SHTN1: variants seen among roughly 807,000 people sequenced by gnomAD.
SHTN1 encodes the protein shootin-1.
Under a neutral mutation model 83.1 loss-of-function variants are expected in SHTN1, and 42 were observed. The observed-to-expected ratio is 0.51, with a 90% CI of 0.39 to 0.65. The LOEUF (loss-of-function observed/expected upper bound fraction) is 0.65. Among genes scored for constraint, SHTN1 ranks in the 30% least tolerant of loss-of-function variants. The pLI, the probability that SHTN1 is intolerant of heterozygous loss-of-function variation, is 0.00. For synonymous variants in SHTN1, 224 were observed against 247.7 expected (o/e 0.90, Z 0.90); for missense variants, 622 against 737.8 (o/e 0.84, Z 1.82).
intron 1 of SHTN1, among the ~76,000 whole-genome samples, chr10:117,106,380 G>A (rs991618560): frequency 4.0e-5 from 6 of 151,478 alleles, no homozygotes; most frequent in Non-Finnish European, 5.9e-5. Context: ...GCTTGAACCC[G>A]GGAGGCGGAG....
rs376223459 is a variant in SHTN1 at position 116,885,455 on chromosome 10, A to G, written c.*889T>C. On this transcript the variant is annotated 3_prime_UTR_variant, in exon 17 of 17. Transcript: ENST00000355371. ...ACTACTGCTTAATTTCTTTTTTAAA[A>G]AAAACAACAACAAACCTGTGTAATA... 5.2e-5 allele frequency: 8 copies of G among 152,752 alleles called. No homozygotes were observed. Among genetic ancestry groups the G allele is most frequent in the African/African-American group, 1.9e-4 (8 of 41,572 alleles). The allele number at this position is 152,752 out of a possible 1,614,324, so 9.5% of individuals were successfully genotyped here.
chr10:117,061,135 C>CTTTTTTTT (rs5788206), intron 1 of SHTN1, among the ~76,000 whole-genome samples: 8 of 127,264 alleles, frequency 6.3e-5, no homozygotes, highest in Non-Finnish European at 8.6e-5. Flanking sequence ...AAGCTTTAGT[C>CTTTTTTTT]TTTTTTTTTT....
intron 3 of SHTN1, among the ~76,000 whole-genome samples, chr10:116,961,112 T>C (rs1850169405): frequency 1.3e-5 from 2 of 151,766 alleles, no homozygotes; most frequent in Admixed American, 1.3e-4. Context: ...TTGCTATTTG[T>C]TTGGCTTAAA....
At chr10:117,101,479 A>G (rs1853592248) in intron 1 of SHTN1, among the ~76,000 whole-genome samples, 1 of 152,214 alleles carries the variant, frequency 6.6e-6, no homozygotes, top group African/African-American at 2.4e-5. Context: ...AAGCCAAAAC[A>G]TTACTGCATC....
At position 117,053,646 on chromosome 10, in the gene SHTN1, C is replaced by T. The variant is rs1268131718; in HGVS notation, c.-188-5136G>A. The stretch of plus-strand genomic sequence containing the variant: ...ATGTGGAGACATTGGAACCCTCACG[C>T]ATTGCTAGTGAGAACATGAAATGGT... On this transcript the variant is annotated intron_variant, in intron 1 of 17. Transcript: ENST00000392901. Among the ~76,000 whole-genome samples, 6 of 152,268 alleles carry T rather than the reference C, an allele frequency of 3.9e-5. No individual in the cohort carries two copies. The South Asian group carries it at 1.0e-3, about 26-fold the overall frequency.
intron 9 of SHTN1, among the ~76,000 whole-genome samples, 158 bp downstream of exon 9, chr10:116,940,308 A>T (rs1158437310): frequency 6.6e-6 from 1 of 152,170 alleles, no homozygotes; most frequent in East Asian, 1.9e-4. Flanking sequence ...TCATTTAGTT[A>T]TTTTTTTCTA....
chr10:116,957,664 C>T (rs2133435372), intron 4 of SHTN1, among the ~76,000 whole-genome samples: 1 of 152,280 alleles, frequency 6.6e-6, no homozygotes, highest in East Asian at 1.9e-4. Context: ...ACAAAACAAG[C>T]AAGTTTAATG....
intron 2 of SHTN1, among the ~76,000 whole-genome samples, chr10:116,974,910 T>C (rs1850744238): frequency 1.3e-5 from 2 of 152,144 alleles, no homozygotes; most frequent in Non-Finnish European, 2.9e-5. Flanking sequence ...TGTGGAGGCA[T>C]GACTAACATT....
intron 2 of SHTN1, among the ~76,000 whole-genome samples, chr10:116,978,375 CTTT>C (rs753697934): frequency 6.6e-6 from 1 of 152,130 alleles, no homozygotes; most frequent in Non-Finnish European, 1.5e-5. Context: ...CTATCTTCTT[CTTT>C]AATATCTACA....
At chr10:116,965,176 A>G (rs889306987) in intron 3 of SHTN1, among the ~76,000 whole-genome samples, 2 of 152,204 alleles carry the variant, frequency 1.3e-5, no homozygotes, top group African/African-American at 2.4e-5. Context: ...TAGGGAGAGT[A>G]GAGCCCTATG....
chr10:117,053,622 T>G (rs1174501041), intron 1 of SHTN1, among the ~76,000 whole-genome samples: 1 of 152,210 alleles, frequency 6.6e-6, no homozygotes, highest in Non-Finnish European at 1.5e-5. Context: ...TTGGCAAGGA[T>G]GTGGAGACAT....
intron 14 of SHTN1, 78 bp from the exon 15 acceptor site, chr10:116,906,825 G>T: frequency 8.5e-7 from 1 of 1,169,978 alleles, no homozygotes; most frequent in Admixed American, 3.0e-5. Flanking sequence ...ATCAAACCAT[G>T]AAAACATTAC....
chr10:117,027,583 CT>C (rs1273458484), intron 2 of SHTN1, among the ~76,000 whole-genome samples: 9 of 151,932 alleles, frequency 5.9e-5, no homozygotes, highest in African/African-American at 2.2e-4. Context: ...ACTACAAGCT[CT>C]GCCTCCCAGG....
intron 4 of SHTN1, among the ~76,000 whole-genome samples, chr10:116,955,119 A>AAAAAAC (rs1221061926): frequency 6.6e-6 from 1 of 151,738 alleles, no homozygotes; most frequent in Non-Finnish European, 1.5e-5. Context: ...AAAAAAAAAA[A>AAAAAAC]AGGAATCCTA....
chr10:117,092,015 G>A (rs1349411422), intron 1 of SHTN1, among the ~76,000 whole-genome samples: 3 of 152,166 alleles, frequency 2.0e-5, no homozygotes, highest in Non-Finnish European at 4.4e-5. Flanking sequence ...TGGGAGATTG[G>A]TATTCTCAAC....
chr10:116,993,017 CT>C (rs35364697), intron 1 of SHTN1, among the ~76,000 whole-genome samples: 51 of 121,198 alleles, frequency 4.2e-4, no homozygotes, highest in African/African-American at 1.4e-3. Flanking sequence ...TCTTTTTTTT[CT>C]TTTTTTTTTT....
chr10:117,002,838 A>G (rs1851870790), intron 1 of SHTN1, among the ~76,000 whole-genome samples: 1 of 152,256 alleles, frequency 6.6e-6, no homozygotes, highest in South Asian at 2.1e-4. Flanking sequence ...AAGAAACACA[A>G]CTTTGAATAT....
At chr10:117,073,323 T>A (rs963938201) in intron 1 of SHTN1, among the ~76,000 whole-genome samples, 1 of 152,224 alleles carries the variant, frequency 6.6e-6, no homozygotes, top group Non-Finnish European at 1.5e-5. Flanking sequence ...CATTTATTAA[T>A]TGCTTACTAG....
chr10:116,882,302 A>C lies in SHTN1; in HGVS notation c.*4042T>G, dbSNP rs1453381618. ...CCTTTTTGGAGTAAGAATGAGTATA[A>C]ATGAATAAGCACATCAGTAAATGAA... On this transcript the variant is annotated 3_prime_UTR_variant, in exon 17 of 17. Transcript: ENST00000355371. 2 of 152,060 alleles carry C rather than the reference A, an allele frequency of 1.3e-5. No individual in the cohort carries two copies. Among genetic ancestry groups the C allele is most frequent in the African/African-American group, 4.8e-5 (2 of 41,376 alleles). 9.4% of individuals were successfully genotyped at this position (152,060 alleles called of 1,614,324 possible). A position where few individuals can be genotyped will look rare whatever the true frequency, so the allele number is the denominator to read the frequency against.
Sources: gnomAD v4.1 joint callset for allele counts (sites outside exome capture counted in the v4.1 genomes callset) on GRCh38, gnomAD v4.1.1 for gene constraint, MANE v1.5 for transcripts, NCBI Gene and HGNC (gene_info 2026-07-23, HGNC 2026-07-21) for gene names.